UNC79: variants seen among roughly 807,000 people sequenced by gnomAD.
The protein encoded by UNC79 is unc-79 subunit of NALCN channel complex, also known as protein unc-79 homolog.
A neutral mutation model predicts 283.1 loss-of-function variants in UNC79; 37 were observed. The ratio of observed to expected loss-of-function variants is 0.13; its 90% CI spans 0.10 to 0.17. The LOEUF is 0.17. Among genes scored for constraint, UNC79 ranks in the 10% least tolerant of loss-of-function variants. The probability of loss-of-function intolerance (pLI) is 1.00; values close to 1 mark genes in which losing one functional copy is unlikely to be tolerated. For missense variants in UNC79, 2,272 were observed against 3,211.1 expected (o/e 0.71, Z 7.07); for synonymous variants, 1,107 against 1,200.2 (o/e 0.92, Z 1.61).
At chr14:93,530,837 A>C (rs764117724) in intron 10 of UNC79, among the ~76,000 whole-genome samples, 1 of 152,106 alleles carries the variant, frequency 6.6e-6, no homozygotes, top group Non-Finnish European at 1.5e-5. Context: ...TGAACCTTTG[A>C]GGCGGAGCTG....
intron 43 of UNC79, among the ~76,000 whole-genome samples, chr14:93,687,003 TAA>T (rs2074291672): frequency 2.0e-5 from 3 of 152,342 alleles, no homozygotes; most frequent in Middle Eastern, 6.8e-3. Flanking sequence ...TACTAAGTGG[TAA>T]AGTCAAGGTT....
chr14:93,403,751 A>C (rs1261206428), intron 1 of UNC79, among the ~76,000 whole-genome samples: 1 of 152,190 alleles, frequency 6.6e-6, no homozygotes, highest in African/African-American at 2.4e-5. Flanking sequence ...AGCACCAAAA[A>C]ATTAGATTAT....
At position 93,474,475 on chromosome 14, in the gene UNC79, G is replaced by T; in HGVS notation, c.448+82G>T. The T allele has an allele frequency of 2.8e-6, 4 of 1,439,326 alleles. No individual in the cohort carries two copies. Among genetic ancestry groups the T allele is most frequent in the East Asian group, 2.5e-5 (1 of 40,146 alleles). The allele number at this position is 1,439,326 out of a possible 1,614,324, so 89.2% of individuals were successfully genotyped here. A position where few individuals can be genotyped will look rare whatever the true frequency, so the allele number is the denominator to read the frequency against. ...ATGCTGAGCAAGGGGCTTGGAGATG[G>T]TCACTGTTGTAATCAATCACCTGAA... On this transcript the variant is annotated intron_variant, in intron 3 of 48. Coordinates refer to ENST00000555664, the Ensembl canonical transcript of UNC79. The surrounding 1 kb of genome is among the most constrained non-coding windows in gnomAD (Gnocchi z 4.1).
At chr14:93,598,346 A>C (rs1298380200) in intron 24 of UNC79, among the ~76,000 whole-genome samples, 1 of 150,248 alleles carries the variant, frequency 6.7e-6, no homozygotes, top group African/African-American at 2.5e-5. Context: ...TACTTTGGAC[A>C]GATGTAATTA....
chr14:93,697,652 T>A (rs568563644), intron 47 of UNC79, among the ~76,000 whole-genome samples: 2 of 152,260 alleles, frequency 1.3e-5, no homozygotes, highest in Non-Finnish European at 2.9e-5. Flanking sequence ...ATGCCTGTAA[T>A]CCTAGTGCTT....
intron 1 of UNC79, among the ~76,000 whole-genome samples, chr14:93,459,094 C>A (rs1566948422): frequency 6.6e-6 from 1 of 152,200 alleles, no homozygotes; most frequent in Non-Finnish European, 1.5e-5. Flanking sequence ...TGGGTTCAAG[C>A]AATTCTCCTG....
intron 38 of UNC79, among the ~76,000 whole-genome samples, chr14:93,658,752 T>G (rs1814261956): frequency 6.6e-6 from 1 of 152,110 alleles, no homozygotes; most frequent in African/African-American, 2.4e-5. Flanking sequence ...TCTAAGTAGT[T>G]TTTTTCCCTA....
chr14:93,645,833 G>A (rs1399224902), intron 34 of UNC79, among the ~76,000 whole-genome samples: 3 of 152,054 alleles, frequency 2.0e-5, no homozygotes, highest in Admixed American at 2.0e-4. Context: ...CAACACAACT[G>A]GGAATGGTGT....
At position 93,690,067 on chromosome 14, in the gene UNC79, A is replaced by C. The variant is rs1380204085; in HGVS notation, c.7086-50A>C. On this transcript the variant is annotated intron_variant, in intron 44 of 48. Coordinates refer to ENST00000555664, the Ensembl canonical transcript of UNC79. This position sits in a 1 kb window ranked among gnomAD's most constrained non-coding sequence, Gnocchi z 4.3. Reference sequence around the variant, plus strand: ...TCAATAAGCATTTGTTATGCACCCAATGAAACACAAAACATAAAATCATCT... The same window carrying C: ...TCAATAAGCATTTGTTATGCACCCACTGAAACACAAAACATAAAATCATCT... 6.3e-7 allele frequency: 1 copy of C among 1,592,342 alleles called. No homozygotes were observed. The highest frequency in any genetic ancestry group is 1.3e-5 in the African/African-American group (1 of 74,642).
At chr14:93,622,706 G>A in exon 30 of UNC79, 1 of 1,614,196 alleles carries the variant, frequency 6.2e-7, no homozygotes, top group Non-Finnish European at 8.5e-7. Context: ...GGATGGAGCT[G>A]AGGAATCCGA....
chr14:93,478,755 G>C (rs970543622), intron 4 of UNC79, among the ~76,000 whole-genome samples: 1 of 152,116 alleles, frequency 6.6e-6, no homozygotes, highest in African/African-American at 2.4e-5. Context: ...AAATACTTTC[G>C]TTGGTTACAT....
At chr14:93,555,246 A>G (rs1019804970) in intron 14 of UNC79, among the ~76,000 whole-genome samples, 3 of 152,186 alleles carry the variant, frequency 2.0e-5, no homozygotes, top group Non-Finnish European at 2.9e-5. Flanking sequence ...TTATTTAAGC[A>G]TTTATTTTTC....
intron 7 of UNC79, among the ~76,000 whole-genome samples, chr14:93,520,977 A>G (rs1351766457): frequency 1.3e-5 from 2 of 151,940 alleles, no homozygotes; most frequent in East Asian, 3.9e-4. Context: ...GCTGGATTTC[A>G]TGATTGTTAC....
At chr14:93,434,410 G>C (rs973965712) in intron 1 of UNC79, among the ~76,000 whole-genome samples, 1 of 151,966 alleles carries the variant, frequency 6.6e-6, no homozygotes, top group African/African-American at 2.4e-5. Context: ...TTCTTACAAA[G>C]TTCACTGTAG....
At chr14:93,704,594 A>G (rs896891510) in intron 47 of UNC79, 31 bp from the exon 51 acceptor site, 4 of 1,613,032 alleles carry the variant, frequency 2.5e-6, no homozygotes, top group Non-Finnish European at 3.4e-6. Context: ...AGAGGACACT[A>G]ATAATGAAGC....
At chr14:93,348,501 A>T (rs1046350196) in intron 1 of UNC79, 1 of 174,614 alleles carries the variant, frequency 5.7e-6, no homozygotes, top group African/African-American at 2.4e-5. Context: ...CCCTTAAAAG[A>T]TTAGATGTGT....
At chr14:93,449,196 A>G (rs1262304883) in intron 1 of UNC79, among the ~76,000 whole-genome samples, 1 of 152,140 alleles carries the variant, frequency 6.6e-6, no homozygotes, top group Non-Finnish European at 1.5e-5. Flanking sequence ...TGATCTGTCT[A>G]TTTTTAACAG....
chr14:93,350,670 T>C (rs1208397444), intron 1 of UNC79, among the ~76,000 whole-genome samples: 1 of 152,212 alleles, frequency 6.6e-6, no homozygotes, highest in South Asian at 2.1e-4. Context: ...CAAGAGGTTT[T>C]GATTTTTAAT....
intron 46 of UNC79, 114 bp from the exon 50 acceptor site, chr14:93,694,221 A>G: frequency 1.2e-6 from 1 of 844,142 alleles, no homozygotes; most frequent in Non-Finnish European, 1.9e-6. Flanking sequence ...TCCTACGGTC[A>G]TTACACAGAA....
Sources: gnomAD v4.1 joint callset for allele counts (sites outside exome capture counted in the v4.1 genomes callset) on GRCh38, gnomAD v4.1.1 for gene constraint, Gnocchi (gnomAD v3.1) non-coding constraint, MANE v1.5 for transcripts, NCBI Gene and HGNC (gene_info 2026-07-23, HGNC 2026-07-21) for gene names.